Variants in IL6ST observed in about 807,000 individuals in gnomAD.
The protein encoded by IL6ST is interleukin 6 cytokine family signal transducer.
A neutral mutation model predicts 91.3 loss-of-function variants in IL6ST; 24 were observed. The ratio of observed to expected loss-of-function variants is 0.26; its 90% CI spans 0.19 to 0.37. IL6ST has a LOEUF of 0.37. Among genes scored for constraint, IL6ST ranks in the 10% least tolerant of loss-of-function variants. The pLI, the probability that IL6ST is intolerant of heterozygous loss-of-function variation, is 1.00. For synonymous variants in IL6ST, 351 were observed against 373.6 expected (o/e 0.94, Z 0.70); for missense variants, 914 against 1,078.5 (o/e 0.85, Z 2.14).
At chr5:55,942,554 ATATCT>A (rs1311881331) in intron 16 of IL6ST, 111 bp downstream of exon 16, 5 of 544,352 alleles carry the variant, frequency 9.2e-6, no homozygotes, top group African/African-American at 3.9e-5. Context: ...TTCAGCTTGA[ATATCT>A]TATCTTTTGG....
intron 5 of IL6ST, 120 bp downstream of exon 5, chr5:55,968,156 A>T: frequency 1.0e-6 from 1 of 953,832 alleles, no homozygotes; most frequent in Non-Finnish European, 1.5e-6. Context: ...GAAATGTTAC[A>T]GAATAAAAAA....
rs1314065641 is a variant in IL6ST, at chr5:55,951,937, T to C, written c.1691A>G (p.Asn564Ser). Residue 564 changes from asparagine to serine, a missense_variant, in exon 13 of 17, where the codon AAT becomes AGT. Coordinates refer to ENST00000381298, the MANE Select transcript of IL6ST (RefSeq NM_002184.4). ...YTIFYRTIIG[N>S]ETAVNVDSSH... ...TGATACAGTTTTATTACCAGTTTCA[T>C]TTCCAATGATGGTTCTATAAAATAT... 2 of 1,456,142 alleles carry C rather than the reference T, an allele frequency of 1.4e-6. No homozygotes were observed. The highest frequency in any genetic ancestry group is 1.9e-6 in the Non-Finnish European group (2 of 1,046,106). 90.2% of individuals were successfully genotyped at this position (1,456,142 alleles called of 1,614,324 possible).
At chr5:55,981,344 T>TA (rs1753657568) in intron 2 of IL6ST, among the ~76,000 whole-genome samples, 2 of 152,264 alleles carry the variant, frequency 1.3e-5, no homozygotes, top group African/African-American at 4.8e-5. Context: ...GGGGCTTGCT[T>TA]AAAAATTGAC....
Position 55,952,274 on chromosome 5 carries a change from T to TGGATTCAG in IL6ST, c.1520_1527dup (p.Ile510LeufsTer4). On this transcript the variant is annotated frameshift_variant, in exon 12 of 17. Transcript: ENST00000381298. LOFTEE classifies it high-confidence loss of function. ...CGAGCTTGTTTAAGGTATGCCTTTA[T>TGGATTCAG]GGATTCAGGGCTTCCTGGTCCATCA... 1 of 1,610,758 alleles carries TGGATTCAG rather than the reference T, an allele frequency of 6.2e-7. No individual in the cohort carries two copies.
chr5:55,938,104 G>T lies in IL6ST; in HGVS notation c.*2978C>A, dbSNP rs1162380883. 5.3e-6 allele frequency: 1 copy of T among 189,476 alleles called. No individual in the cohort carries two copies. The highest frequency in any genetic ancestry group is 2.3e-5 in the African/African-American group (1 of 42,920). The allele number at this position is 189,476 out of a possible 1,614,324, so 11.7% of individuals were successfully genotyped here. On this transcript the variant is annotated 3_prime_UTR_variant, in exon 17 of 17. Coordinates refer to ENST00000381298, the MANE Select transcript of IL6ST (RefSeq NM_002184.4). ...AAATATGAGCTTTAATGAATGTTTT[G>T]TAACATTTTAAAGTTGTAACATTTC...
rs1254567796 is a variant in IL6ST, at chr5:55,941,484, G to A, written c.2355C>T (p.Pro785=). The change falls in exon 17 of 17, where the codon CCC becomes CCT. Residue 785 remains proline (P), a synonymous_variant. Transcript: ENST00000381298. ...CTGGCCGCTCCTCTGAATCTAACAA[G>A]GGCTGGGTAGACTCGGATCTTGAGA... The part of the protein sequence containing the change: ...QVFSRSESTQ[P]LLDSEERPED... The A allele has an allele frequency of 2.5e-6, 4 of 1,614,170 alleles. No homozygotes were observed. Among genetic ancestry groups the A allele is most frequent in the East Asian group, 2.2e-5 (1 of 44,890 alleles).
intron 8 of IL6ST, 149 bp from the exon 9 acceptor site, chr5:55,957,440 GCACAA>G: frequency 2.2e-6 from 1 of 464,916 alleles, no homozygotes. Context: ...TCCCAACCCA[GCACAA>G]AACACCTGGC....
At chr5:55,985,294 T>A (rs973539134) in intron 1 of IL6ST, among the ~76,000 whole-genome samples, 1 of 152,106 alleles carries the variant, frequency 6.6e-6, no homozygotes, top group African/African-American at 2.4e-5. Context: ...AGTGGGTAGA[T>A]CACCTGAGTT....
At chr5:55,959,848 G>T (rs187321688) in intron 8 of IL6ST, among the ~76,000 whole-genome samples, 3 of 151,836 alleles carry the variant, frequency 2.0e-5, no homozygotes, top group Admixed American at 6.6e-5. Context: ...AACAGTTAAC[G>T]GTTTTCTGAT....
rs1460241385 is a variant in IL6ST at position 55,937,494 on chromosome 5, C to T, written c.*3588G>A. The T allele has an allele frequency of 9.5e-6, 2 of 210,302 alleles. No homozygotes were observed. Among genetic ancestry groups the T allele is most frequent in the South Asian group, 1.9e-4 (1 of 5,326 alleles). The allele number at this position is 210,302 out of a possible 1,614,324, so 13.0% of individuals were successfully genotyped here. A position where few individuals can be genotyped will look rare whatever the true frequency, so the allele number is the denominator to read the frequency against. On this transcript the variant is annotated 3_prime_UTR_variant, in exon 17 of 17. Coordinates refer to ENST00000381298, the MANE Select transcript of IL6ST (RefSeq NM_002184.4). ...CTTACATCATCTGAATTCTGTTTATCGAGTCTGAAAAGGAACTGCTGCCAA... is the reference window on the plus strand; with the variant it reads ...CTTACATCATCTGAATTCTGTTTATTGAGTCTGAAAAGGAACTGCTGCCAA...
rs1333138372 is a variant in IL6ST at position 55,954,992 on chromosome 5, G to C, written c.1268C>G (p.Ala423Gly). 2 of 1,577,026 alleles carry C rather than the reference G, an allele frequency of 1.3e-6. No homozygotes were observed. The highest frequency in any genetic ancestry group is 1.7e-6 in the Non-Finnish European group (2 of 1,162,566). Residue 423 changes from alanine to glycine, a missense_variant and splice_region_variant, in exon 11 of 17, where the codon GCT (alanine) becomes GGT (glycine). By Grantham distance (60) the Ala-to-Gly change is moderately conservative (BLOSUM62 0). Coordinates refer to ENST00000381298, the MANE Select transcript of IL6ST (RefSeq NM_002184.4). ...VLTIPACDFQ[A>G]THPVMDLKAF... The stretch of plus-strand genomic sequence containing the variant: ...TTTAAGATCCATTACAGGGTGAGTA[G>C]CTTTAAAACAAAGTTTGAATATTGA...
chr5:55,984,161 C>T (rs1753821809), intron 1 of IL6ST, among the ~76,000 whole-genome samples: 1 of 152,216 alleles, frequency 6.6e-6, no homozygotes, highest in Admixed American at 6.5e-5. Flanking sequence ...AGCAGCCATA[C>T]ACAATATGTA....
At chr5:55,954,269 C>G (rs10940494) in intron 11 of IL6ST, among the ~76,000 whole-genome samples, 4,867 of 152,160 alleles carry the variant, frequency 0.032, 269 homozygotes, top group African/African-American at 0.11. Flanking sequence ...GAGTTTTTTT[C>G]TCTTCAAAGT....
At chr5:55,946,014 A>G (rs763580687) in intron 15 of IL6ST, among the ~76,000 whole-genome samples, 18 of 152,308 alleles carry the variant, frequency 1.2e-4, no homozygotes, top group Non-Finnish European at 2.1e-4. Flanking sequence ...CGTATTTAAC[A>G]ATGTTGTAAC....
At chr5:55,960,282 A>C in intron 8 of IL6ST, 120 bp downstream of exon 8, 1 of 733,824 alleles carries the variant, frequency 1.4e-6, no homozygotes, top group East Asian at 2.6e-5. Flanking sequence ...ACGTTAAAAT[A>C]CTGCAGTTTG....
At chr5:55,989,017 T>C (rs1473721144) in intron 1 of IL6ST, among the ~76,000 whole-genome samples, 1 of 150,756 alleles carries the variant, frequency 6.6e-6, no homozygotes, top group Non-Finnish European at 1.5e-5. Context: ...TCCCAGCTAC[T>C]CAGGAAGCTG....
intron 15 of IL6ST, among the ~76,000 whole-genome samples, chr5:55,946,294 T>G (rs185146996): frequency 6.6e-6 from 1 of 152,200 alleles, no homozygotes; most frequent in Non-Finnish European, 1.5e-5. Flanking sequence ...CTGAAAAAGT[T>G]TGGCAGTTTC....
rs184593295 is a variant in IL6ST, at chr5:55,988,971, A to T, written c.-104+5813T>A. Among the ~76,000 whole-genome samples the T allele has an allele frequency of 2.6e-3, 388 of 151,408 alleles. 4 individuals are homozygous for T. The highest frequency in any genetic ancestry group is 9.0e-3 in the African/African-American group (371 of 41,324). The stretch of plus-strand genomic sequence containing the variant: ...ATAAAAAATAAAAAAAAAATAAAAA[A>T]AAAAATCAGCCGGGCATGGTGGACC... On this transcript the variant is annotated intron_variant, in intron 1 of 16. Coordinates refer to ENST00000381298, the MANE Select transcript of IL6ST (RefSeq NM_002184.4).
chr5:55,989,365 A>G (rs1279483266), intron 1 of IL6ST, among the ~76,000 whole-genome samples: 1 of 152,162 alleles, frequency 6.6e-6, no homozygotes, highest in African/African-American at 2.4e-5. Context: ...TAAGCAAAAA[A>G]GAAAAAAAAG....
Sources: gnomAD v4.1 joint callset for allele counts (sites outside exome capture counted in the v4.1 genomes callset) on GRCh38, gnomAD v4.1.1 for gene constraint, MANE v1.5 for transcripts, NCBI Gene and HGNC (gene_info 2026-07-23, HGNC 2026-07-21) for gene names.